The following UHRF2 variants were observed in gnomAD, a reference collection of about 807,000 sequenced individuals.
UHRF2 encodes the protein E3 ubiquitin-protein ligase UHRF2.
UHRF2 carries 23 observed loss-of-function variants against 96.8 expected under a neutral mutation model. The ratio of observed to expected loss-of-function variants is 0.24; its 90% CI spans 0.17 to 0.34. The LOEUF is 0.34. Among genes scored for constraint, UHRF2 ranks in the 10% least tolerant of loss-of-function variants. The pLI, the probability that UHRF2 is intolerant of heterozygous loss-of-function variation, is 1.00. For synonymous variants in UHRF2, 385 were observed against 332.6 expected (o/e 1.16, Z -1.72); for missense variants, 685 against 981.5 (o/e 0.70, Z 4.04).
At chr9:6,449,608 C>T (rs1587810790) in intron 3 of UHRF2, 1 of 152,186 alleles carries the variant, frequency 6.6e-6, no homozygotes, top group Non-Finnish European at 1.5e-5. Flanking sequence ...CTAAAATGGT[C>T]AGCTTATATG....
intron 8 of UHRF2, among the ~76,000 whole-genome samples, chr9:6,485,205 G>C (rs912701457): frequency 6.6e-6 from 1 of 152,078 alleles, no homozygotes; most frequent in Admixed American, 6.6e-5. Context: ...CAGAGTTTAG[G>C]TTATTATGAC....
chr9:6,448,271 C>T (rs1015523647), intron 3 of UHRF2, among the ~76,000 whole-genome samples: 5 of 151,992 alleles, frequency 3.3e-5, no homozygotes, highest in Non-Finnish European at 7.4e-5. Context: ...AAAGAGCAAC[C>T]AAATACTCAA....
Position 6,504,593 on chromosome 9 carries a change from A to G in UHRF2, c.2164A>G (p.Asn722Asp). 1.2e-6 allele frequency: 2 copies of G among 1,611,990 alleles called. No homozygotes were observed. The highest frequency in any genetic ancestry group is 1.7e-6 in the Non-Finnish European group (2 of 1,178,676). Residue 722 changes from asparagine (N) to aspartate (D), a missense_variant and splice_region_variant, in exon 15 of 16, where the codon AAT becomes GAT. Physicochemically the swap from Asn to Asp is conservative, Grantham distance 23. This residue lies in a region of UHRF2 where 71 missense variants were observed against 114.1 expected (regional missense o/e 0.62). Coordinates refer to ENST00000276893, the MANE Select transcript of UHRF2 (RefSeq NM_152896.3). ...TCCTTATCCTTGGATACTGTTCTAG[A>G]ATTTTCTGAAAAAATTGGAACAATC... ...EVLSHLVEGP[N>D]FLKKLEQSFM...
intron 8 of UHRF2, among the ~76,000 whole-genome samples, chr9:6,485,886 G>A (rs1824262261): frequency 6.6e-6 from 1 of 150,894 alleles, no homozygotes. Context: ...TTTTCAGGGA[G>A]TTTGAAGTTC....
intron 9 of UHRF2, among the ~76,000 whole-genome samples, chr9:6,488,521 T>G: frequency 6.8e-6 from 1 of 147,754 alleles, no homozygotes; most frequent in Non-Finnish European, 1.5e-5. Context: ...CAACCACTAA[T>G]CTTTTCTCTT....
intron 8 of UHRF2, among the ~76,000 whole-genome samples, chr9:6,484,417 CCCT>C (rs1824128262): frequency 1.4e-5 from 2 of 146,742 alleles, no homozygotes; most frequent in African/African-American, 4.9e-5. Flanking sequence ...CCTCCCTCCT[CCCT>C]CCTCCCTCCT....
At chr9:6,414,224 C>T (rs1011345438) in intron 1 of UHRF2, 3 of 152,238 alleles carry the variant, frequency 2.0e-5, no homozygotes, top group Non-Finnish European at 4.4e-5. Context: ...TGGTCCCTCT[C>T]CCTCGCCGCC....
At position 6,434,114 on chromosome 9, in the gene UHRF2, G is replaced by A. The variant is rs781313483; in HGVS notation, c.585G>A (p.Thr195=). Residue 195 remains threonine (T), a synonymous_variant, in exon 3 of 16, where the codon ACG becomes ACA. Coordinates refer to ENST00000276893, the MANE Select transcript of UHRF2 (RefSeq NM_152896.3). ...ATAAATTGGACAGTGTACCCTCTAC[G>A]TCTAATTCAGACTGTGTTGCTGCTG... ...NTNKLDSVPS[T]SNSDCVAADE... 51 of 1,613,940 alleles carry A rather than the reference G, an allele frequency of 3.2e-5. No individual in the cohort carries two copies. Among genetic ancestry groups the A allele is most frequent in the East Asian group, 1.1e-4 (5 of 44,880 alleles).
chr9:6,445,981 C>CTTTTTTTTTTTTTTTTTTTTTTTT (rs57147850), intron 3 of UHRF2, among the ~76,000 whole-genome samples: 1 of 78,898 alleles, frequency 1.3e-5, no homozygotes, highest in African/African-American at 5.3e-5. Context: ...CCCCGCCACC[C>CTTTTTTTTTTTTTTTTTTTTTTTT]TTTTTTTTTT....
At chr9:6,441,824 TG>T (rs1366871658) in intron 3 of UHRF2, among the ~76,000 whole-genome samples, 11 of 152,142 alleles carry the variant, frequency 7.2e-5, no homozygotes, top group Non-Finnish European at 1.6e-4. Flanking sequence ...CTAAATGATC[TG>T]TAGTTGACTT....
chr9:6,460,914 A>T (rs1188011081), intron 4 of UHRF2, 123 bp downstream of exon 4: 1 of 683,976 alleles, frequency 1.5e-6, no homozygotes, highest in African/African-American at 1.8e-5. Context: ...AAATTTCCAT[A>T]CTGAAGGAGA....
At chr9:6,437,335 C>T (rs111835116) in intron 3 of UHRF2, among the ~76,000 whole-genome samples, 39 of 151,898 alleles carry the variant, frequency 2.6e-4, no homozygotes, top group African/African-American at 9.2e-4. Flanking sequence ...CAGGTTCAAG[C>T]GATTCTCCTG....
At chr9:6,476,595 G>GTT (rs747513162) in intron 5 of UHRF2, among the ~76,000 whole-genome samples, 1 of 151,886 alleles carries the variant, frequency 6.6e-6, no homozygotes, top group South Asian at 2.1e-4. Flanking sequence ...TTTTTTGTTT[G>GTT]TTTTTTGTTT....
chr9:6,504,835 T>C (rs1403105693), intron 15 of UHRF2, 144 bp downstream of exon 15: 2 of 551,988 alleles, frequency 3.6e-6, no homozygotes, highest in Non-Finnish European at 6.4e-6. Flanking sequence ...AGTTACGTCT[T>C]GGTGGTAAAT....
At chr9:6,420,427 G>A (rs536738661) in intron 1 of UHRF2, among the ~76,000 whole-genome samples, 65 of 250 alleles carry the variant, frequency 0.26, no homozygotes, top group South Asian at 0.5. Context: ...ATTTATGGCC[G>A]GGTGCGGTGC....
chr9:6,434,180 G>A lies in UHRF2; in HGVS notation c.644+7G>A, dbSNP rs1310849838. The A allele has an allele frequency of 4.4e-6, 7 of 1,605,730 alleles. No homozygotes were observed. In the East Asian group the frequency reaches 8.9e-5, roughly 21 times the overall value. On this transcript the variant is annotated splice_region_variant and intron_variant, in intron 3 of 15. Transcript: ENST00000276893. ...ACCATATCCAGTATGATGAGTAAGT[G>A]CTCAAGCTATTGAGGACTTTATTCA...
intron 1 of UHRF2, chr9:6,415,012 C>A (rs1242227632): frequency 6.6e-6 from 1 of 152,164 alleles, no homozygotes; most frequent in Non-Finnish European, 1.5e-5. Flanking sequence ...ATACCGTTTC[C>A]TTTTGATCAC....
intron 8 of UHRF2, among the ~76,000 whole-genome samples, chr9:6,483,749 G>T (rs1447760421): frequency 6.6e-6 from 1 of 152,202 alleles, no homozygotes; most frequent in African/African-American, 2.4e-5. Context: ...GAGTGCAATG[G>T]CACGATCTTG....
At chr9:6,482,233 G>A (rs377308216) in intron 8 of UHRF2, 134 bp downstream of exon 8, 192 of 730,962 alleles carry the variant, frequency 2.6e-4, no homozygotes, top group African/African-American at 2.5e-3. Context: ...TTTTAGGATG[G>A]GTGTACTCTT....
Sources: allele counts gnomAD v4.1 joint callset (sites outside exome capture counted in the v4.1 genomes callset), GRCh38; gene constraint gnomAD v4.1.1; regional missense constraint gnomAD v4.1.1; transcripts MANE v1.5; gene names NCBI Gene and HGNC (gene_info 2026-07-23, HGNC 2026-07-21).